The following DOT1L variants were observed in gnomAD, a reference collection of about 807,000 sequenced individuals.
DOT1L encodes DOT1 like histone lysine methyltransferase.
A neutral mutation model predicts 153.3 loss-of-function variants in DOT1L; 33 were observed. The observed-to-expected ratio is 0.22, with a 90% CI of 0.16 to 0.29. The LOEUF (loss-of-function observed/expected upper bound fraction) is 0.29. DOT1L is among the 10% of genes least tolerant of loss of function. The pLI, the probability that DOT1L is intolerant of heterozygous loss-of-function variation, is 1.00. For synonymous variants in DOT1L, 1,135 were observed against 965.1 expected, an observed-to-expected ratio of 1.18 and a Z score of -3.26; for missense variants, 1,847 against 2,119.9, an observed-to-expected ratio of 0.87 and a Z score of 2.53.
intron 27 of DOT1L, 84 bp from the exon 28 acceptor site, chr19:2,229,701 T>C (rs896554905): frequency 6.2e-7 from 1 of 1,608,570 alleles, no homozygotes; most frequent in Non-Finnish European, 8.5e-7. Flanking sequence ...GTGGGAGGCC[T>C]CGGTCCCCAG....
intron 1 of DOT1L, among the ~76,000 whole-genome samples, chr19:2,172,582 G>A (rs1279693593): frequency 6.7e-6 from 1 of 149,128 alleles, no homozygotes; most frequent in Non-Finnish European, 1.5e-5. Context: ...TCGGCTTACT[G>A]AAACCTCCGC....
intron 1 of DOT1L, 53 bp downstream of exon 1, chr19:2,164,318 C>T (rs2144621124): frequency 1.7e-6 from 2 of 1,203,404 alleles, no homozygotes; most frequent in East Asian, 6.4e-5. Context: ...CCTCCGCCGC[C>T]CCTGGGGACA....
At chr19:2,202,953 C>T (rs916083695) in intron 9 of DOT1L, among the ~76,000 whole-genome samples, 174 bp downstream of exon 9, 1 of 152,096 alleles carries the variant, frequency 6.6e-6, no homozygotes, top group Non-Finnish European at 1.5e-5. Flanking sequence ...AGACAGTTTT[C>T]CTCTGTCACC....
chr19:2,229,134 G>C (rs1197849476), intron 27 of DOT1L: 2 of 985,300 alleles, frequency 2.0e-6, no homozygotes, highest in African/African-American at 3.5e-5. Flanking sequence ...TTTGAGACCA[G>C]AAGGAAGTTG....
intron 25 of DOT1L, among the ~76,000 whole-genome samples, chr19:2,224,422 C>T (rs969531877): frequency 6.6e-6 from 1 of 151,524 alleles, no homozygotes; most frequent in Non-Finnish European, 1.5e-5. Flanking sequence ...TCTAGCCATC[C>T]GAGTCGTCGT....
chr19:2,194,320 C>G (rs968663654), intron 6 of DOT1L, among the ~76,000 whole-genome samples, 195 bp from the exon 7 acceptor site: 3 of 152,090 alleles, frequency 2.0e-5, no homozygotes, highest in East Asian at 1.9e-4. Context: ...ACAGGCGCCC[C>G]CCAACACACC....
intron 1 of DOT1L, among the ~76,000 whole-genome samples, chr19:2,170,304 G>A (rs530055832): frequency 6.6e-6 from 1 of 152,302 alleles, no homozygotes; most frequent in African/African-American, 2.4e-5. Flanking sequence ...CCCCTGGTGT[G>A]GTTGGGAGGC....
chr19:2,214,782 C>A, intron 19 of DOT1L, 186 bp downstream of exon 19: 1 of 834,990 alleles, frequency 1.2e-6, no homozygotes, highest in Non-Finnish European at 1.8e-6. Flanking sequence ...GATGACTCTG[C>A]CTCACTCTAG....
intron 9 of DOT1L, among the ~76,000 whole-genome samples, chr19:2,203,957 CCT>C (rs2023393179): frequency 1.3e-5 from 2 of 152,350 alleles, no homozygotes; most frequent in Non-Finnish European, 2.9e-5. Context: ...CCCCACCTGT[CCT>C]CTCTAGGGAG....
chr19:2,209,087 C>A, intron 12 of DOT1L, 111 bp downstream of exon 12: 1 of 1,277,688 alleles, frequency 7.8e-7, no homozygotes, highest in Non-Finnish European at 1.1e-6. Flanking sequence ...CACAGCCCTG[C>A]CGCCCCTCGG....
At chr19:2,178,935 C>T (rs1372062892) in intron 1 of DOT1L, among the ~76,000 whole-genome samples, 1 of 152,170 alleles carries the variant, frequency 6.6e-6, no homozygotes, top group Non-Finnish European at 1.5e-5. Flanking sequence ...TTTATTTCAT[C>T]ACAGTACCCT....
At chr19:2,186,283 C>T (rs2022504131) in intron 3 of DOT1L, among the ~76,000 whole-genome samples, 1 of 152,196 alleles carries the variant, frequency 6.6e-6, no homozygotes, top group Non-Finnish European at 1.5e-5. Context: ...CCTTAGGCTG[C>T]TTGGCAGCTC....
chr19:2,185,799 A>C, intron 2 of DOT1L, 56 bp from the exon 3 acceptor site: 1 of 1,586,384 alleles, frequency 6.3e-7, no homozygotes, highest in South Asian at 1.1e-5. Flanking sequence ...AACAAAACAC[A>C]AAACAAAACA....
chr19:2,203,300 A>G lies in DOT1L; in HGVS notation c.787+521A>G, dbSNP rs146862521. ...CTTTTAGTAGAGACAGGATTTCACCATGTTGGCCAGGCTGGTCTCGAACTC... is the reference window on the plus strand; with the variant it reads ...CTTTTAGTAGAGACAGGATTTCACCGTGTTGGCCAGGCTGGTCTCGAACTC... On this transcript the variant is annotated intron_variant, in intron 9 of 27. Coordinates refer to ENST00000398665, the MANE Select transcript of DOT1L (RefSeq NM_032482.3). Among the ~76,000 whole-genome samples, 1,030 of 152,190 alleles carry G rather than the reference A, an allele frequency of 6.8e-3. 15 individuals carry two copies. The highest frequency in any genetic ancestry group is 0.023 in the African/African-American group (959 of 41,512).
intron 5 of DOT1L, among the ~76,000 whole-genome samples, chr19:2,192,204 T>C (rs1378191681): frequency 2.0e-5 from 3 of 152,176 alleles, no homozygotes; most frequent in Non-Finnish European, 4.4e-5. Flanking sequence ...CCAAGAGGAC[T>C]TTGCACAGAC....
chr19:2,202,799 G>T lies in DOT1L; in HGVS notation c.787+20G>T. 1 of 1,613,880 alleles carries T rather than the reference G, an allele frequency of 6.2e-7. No homozygotes were observed. The highest frequency in any genetic ancestry group is 8.5e-7 in the Non-Finnish European group (1 of 1,179,760). On this transcript the variant is annotated intron_variant, in intron 9 of 27. Transcript: ENST00000398665. The stretch of plus-strand genomic sequence containing the variant: ...AGGAAGGTAAGGCGCCCTCCTCGCC[G>T]GTCTGTGCTGGTGTGACATGATTGA...
intron 10 of DOT1L, 124 bp downstream of exon 10, chr19:2,206,921 GC>G: frequency 1.0e-6 from 1 of 967,758 alleles, no homozygotes; most frequent in Non-Finnish European, 1.6e-6. Flanking sequence ...GTGGGGTGGG[GC>G]TGTCCTGGGC....
In DOT1L at chr19:2,191,622, C is replaced by T. The variant is rs557098201; in HGVS notation, c.493+382C>T. Among the ~76,000 whole-genome samples, 107 of 152,312 alleles carry T rather than the reference C, an allele frequency of 7.0e-4. No individual in the cohort carries two copies. Among genetic ancestry groups the T allele is most frequent in the African/African-American group, 2.4e-3 (101 of 41,564 alleles). On this transcript the variant is annotated intron_variant, in intron 5 of 27. Transcript: ENST00000398665. The surrounding 1 kb of genome is among the most constrained non-coding windows in gnomAD (Gnocchi z 6.8). Reference sequence around the variant, plus strand: ...GGCCCCACCCACGGCTGCAGCCTGCCGCAGTCCTTCCCTGGGCACACCTGC... The same window carrying T: ...GGCCCCACCCACGGCTGCAGCCTGCTGCAGTCCTTCCCTGGGCACACCTGC...
At position 2,165,089 on chromosome 19, in the gene DOT1L, G is replaced by C. The variant is rs368577338; in HGVS notation, c.81+824G>C. 1.1e-4 allele frequency among the ~76,000 whole-genome samples: 16 copies of C among 152,344 alleles called. No individual in the cohort carries two copies. The East Asian group carries it at 2.9e-3, about 28-fold the overall frequency. On this transcript the variant is annotated intron_variant, in intron 1 of 27. Transcript: ENST00000398665. Reference sequence around the variant, plus strand: ...CCCGCGTGCGGCTCCCGGGGTGCGAGTCCCGGCGTGGCCCCTGAGGAGGCG... The same window carrying C: ...CCCGCGTGCGGCTCCCGGGGTGCGACTCCCGGCGTGGCCCCTGAGGAGGCG...
Sources: gnomAD v4.1 joint callset for allele counts (sites outside exome capture counted in the v4.1 genomes callset) on GRCh38, gnomAD v4.1.1 for gene constraint, Gnocchi (gnomAD v3.1) non-coding constraint, MANE v1.5 for transcripts, NCBI Gene and HGNC (gene_info 2026-07-23, HGNC 2026-07-21) for gene names.